Variants in GTF2I observed in about 807,000 individuals in gnomAD.
GTF2I encodes the protein general transcription factor IIi.
A neutral mutation model predicts 67.6 loss-of-function variants in GTF2I; 12 were observed. That is an observed-to-expected ratio of 0.18 (90% CI 0.11 to 0.29). The LOEUF (loss-of-function observed/expected upper bound fraction) is 0.29. GTF2I is among the 10% of genes least tolerant of loss of function. The pLI is 1.00. For synonymous variants in GTF2I, 149 were observed against 197.0 expected, an observed-to-expected ratio of 0.76 and a Z score of 2.04; for missense variants, 271 against 580.1, an observed-to-expected ratio of 0.47 and a Z score of 5.47.
chr7:74,732,781 T>C, intron 15 of GTF2I, 119 bp downstream of exon 15: 2 of 1,337,406 alleles, frequency 1.5e-6, no homozygotes, highest in East Asian at 2.5e-5. Flanking sequence ...AGTTATTTTA[T>C]GTATTTTTAT....
At chr7:74,721,516 A>G (rs1302580738) in intron 12 of GTF2I, among the ~76,000 whole-genome samples, 3 of 152,064 alleles carry the variant, frequency 2.0e-5, no homozygotes, top group Non-Finnish European at 2.9e-5. Flanking sequence ...ATATGTGCAT[A>G]TACACACACA....
intron 3 of GTF2I, among the ~76,000 whole-genome samples, chr7:74,693,344 C>T (rs1490159326): frequency 4.4e-5 from 6 of 135,314 alleles, no homozygotes; most frequent in East Asian, 2.3e-4. Flanking sequence ...GGTGCGATCT[C>T]GGCTCACTGC....
intron 3 of GTF2I, among the ~76,000 whole-genome samples, chr7:74,694,279 C>G (rs148855900): frequency 6.6e-6 from 1 of 152,200 alleles, no homozygotes; most frequent in Non-Finnish European, 1.5e-5. Context: ...GAGGTTGGCT[C>G]ATGAGGTTTA....
At chr7:74,664,262 T>C (rs1304395476) in intron 1 of GTF2I, among the ~76,000 whole-genome samples, 1 of 150,832 alleles carries the variant, frequency 6.6e-6, no homozygotes, top group African/African-American at 2.4e-5. Context: ...TGTCTTCCTG[T>C]TTGTTTTCTC....
rs587745272 is a variant in GTF2I at position 74,735,661 on chromosome 7, T to G, written c.1435+129T>G. ...CTCAGCTTTAGTTTTCCCTGTTTTTTTTTTTTGGGTTTTTTTTTTTTTCTT... is the reference window on the plus strand; with the variant it reads ...CTCAGCTTTAGTTTTCCCTGTTTTTGTTTTTTGGGTTTTTTTTTTTTTCTT... On this transcript the variant is annotated intron_variant, in intron 17 of 34. Coordinates refer to ENST00000573035, the MANE Select transcript of GTF2I (RefSeq NM_032999.4). 1.8e-4 allele frequency: 92 copies of G among 516,984 alleles called. 3 individuals are homozygous for G. The East Asian group carries it at 2.9e-3, about 16-fold the overall frequency. The allele number at this position is 516,984 out of a possible 1,614,324, so 32.0% of individuals were successfully genotyped here. A position where few individuals can be genotyped will look rare whatever the true frequency, so the allele number is the denominator to read the frequency against.
chr7:74,717,080 AAC>A (rs1792354342), intron 11 of GTF2I, 130 bp downstream of exon 11: 3 of 1,324,974 alleles, frequency 2.3e-6, no homozygotes, highest in Non-Finnish European at 3.0e-6. Context: ...CTTCCTAGCC[AAC>A]AGGTTATTAT....
intron 12 of GTF2I, among the ~76,000 whole-genome samples, chr7:74,724,955 T>C (rs1460599808): frequency 4.6e-5 from 7 of 152,250 alleles, no homozygotes; most frequent in Non-Finnish European, 8.8e-5. Flanking sequence ...TATCTTAAAA[T>C]GTATTTTAAA....
intron 11 of GTF2I, among the ~76,000 whole-genome samples, chr7:74,717,986 A>T (rs34324835): frequency 0.81 from 123,045 of 152,118 alleles, 49,991 homozygotes; most frequent in East Asian, 0.95. Flanking sequence ...GTATCTTCTG[A>T]GTGACAGAGT....
intron 10 of GTF2I, among the ~76,000 whole-genome samples, chr7:74,715,279 A>T (rs1355617546): frequency 1.3e-5 from 2 of 152,060 alleles, no homozygotes; most frequent in Non-Finnish European, 2.9e-5. Context: ...ATTTAGAAGA[A>T]TTCTGAAATA....
intron 14 of GTF2I, 131 bp from the exon 15 acceptor site, chr7:74,732,348 T>C (rs1554406912): frequency 8.3e-7 from 1 of 1,207,810 alleles, no homozygotes; most frequent in African/African-American, 1.6e-5. Context: ...CACTGCAGCC[T>C]GGGAGACACA....
At chr7:74,660,545 A>G (rs1439556024) in intron 1 of GTF2I, among the ~76,000 whole-genome samples, 1 of 150,018 alleles carries the variant, frequency 6.7e-6, no homozygotes, top group African/African-American at 2.5e-5. Context: ...TAGTCTCCCA[A>G]TCAACTTGTG....
At chr7:74,696,925 T>C (rs1584169844) in intron 3 of GTF2I, among the ~76,000 whole-genome samples, 1 of 152,146 alleles carries the variant, frequency 6.6e-6, no homozygotes, top group African/African-American at 2.4e-5. Flanking sequence ...TCTGAGCGCT[T>C]TTCTGGGATT....
intron 1 of GTF2I, among the ~76,000 whole-genome samples, chr7:74,669,224 GTTTTTT>G (rs34714148): frequency 1.3e-5 from 1 of 75,452 alleles, no homozygotes; most frequent in Non-Finnish European, 2.3e-5. Context: ...GACTAGTTTA[GTTTTTT>G]TTTTTTTTTT....
chr7:74,718,905 A>C lies in GTF2I; in HGVS notation c.907A>C (p.Thr303Pro). The C allele has an allele frequency of 6.4e-7, 1 of 1,572,562 alleles. No homozygotes were observed. Among genetic ancestry groups the C allele is most frequent in the Non-Finnish European group, 8.7e-7 (1 of 1,154,668 alleles). The change falls in exon 12 of 35, where the codon ACA becomes CCA. Residue 303 changes from threonine (T) to proline (P), a missense_variant. Thr to Pro is a conservative substitution (Grantham distance 38). Transcript: ENST00000573035. ...TTCTACTCAACATGTCCCTTCAGAA[A>C]CAAGTGAGGACCCTGAAGTTGAGGT... ...EDSTQHVPSETSEDPEVEVTI... is the reference protein window; with the variant it reads ...EDSTQHVPSEPSEDPEVEVTI...
intron 12 of GTF2I, chr7:74,726,945 A>AGATAGAT (rs1562979305): frequency 1.1e-4 from 15 of 133,318 alleles, no homozygotes; most frequent in Admixed American, 3.6e-4. Context: ...GATAGATAGA[A>AGATAGAT]AGAATGAGAC....
At chr7:74,722,201 A>G (rs1307256811) in intron 12 of GTF2I, among the ~76,000 whole-genome samples, 1 of 152,158 alleles carries the variant, frequency 6.6e-6, no homozygotes, top group Non-Finnish European at 1.5e-5. Context: ...CAGGGTCATT[A>G]CTTACCCACT....
chr7:74,682,960 G>C (rs1316902224), intron 1 of GTF2I, among the ~76,000 whole-genome samples: 3 of 152,084 alleles, frequency 2.0e-5, no homozygotes, highest in African/African-American at 7.2e-5. Flanking sequence ...GAAATGGAAG[G>C]TAAGCCAGAA....
intron 12 of GTF2I, among the ~76,000 whole-genome samples, chr7:74,720,223 C>T (rs1389408248): frequency 6.6e-6 from 1 of 152,206 alleles, no homozygotes; most frequent in Non-Finnish European, 1.5e-5. Context: ...CCTCCCATAA[C>T]TGCACATCTT....
At chr7:74,671,232 G>A (rs868993668) in intron 1 of GTF2I, among the ~76,000 whole-genome samples, 4 of 151,464 alleles carry the variant, frequency 2.6e-5, no homozygotes, top group Admixed American at 6.6e-5. Flanking sequence ...GATTACAGGC[G>A]TGCACCACCA....
Sources: allele counts gnomAD v4.1 joint callset (sites outside exome capture counted in the v4.1 genomes callset), GRCh38; gene constraint gnomAD v4.1.1; transcripts MANE v1.5; gene names NCBI Gene and HGNC (gene_info 2026-07-23, HGNC 2026-07-21).